The following CDH18 variants were observed in gnomAD, a reference collection of about 807,000 sequenced individuals.
CDH18 encodes the protein cadherin-18.
CDH18 carries 31 observed loss-of-function variants against 67.9 expected under a neutral mutation model. The observed-to-expected ratio is 0.46, with a 90% CI of 0.34 to 0.62. The LOEUF is 0.62. CDH18 is among the 20% of genes least tolerant of loss of function. The pLI is 0.01. For missense variants in CDH18, 890 were observed against 975.5 expected, an observed-to-expected ratio of 0.91 and a Z score of 1.17; for synonymous variants, 362 against 347.2, an observed-to-expected ratio of 1.04 and a Z score of -0.48.
At chr5:19,724,502 CA>C (rs1385868530) in intron 4 of CDH18, among the ~76,000 whole-genome samples, 1 of 114,396 alleles carries the variant, frequency 8.7e-6, no homozygotes, top group African/African-American at 2.7e-5. Flanking sequence ...CACACTCGTA[CA>C]CACAGACATA....
intron 2 of CDH18, among the ~76,000 whole-genome samples, chr5:20,253,030 G>A (rs1165839775): frequency 6.6e-6 from 1 of 152,120 alleles, no homozygotes; most frequent in Non-Finnish European, 1.5e-5. Context: ...TTTTAGGGCT[G>A]GGAGGATAAG....
chr5:19,792,510 G>A (rs983991088), intron 3 of CDH18, among the ~76,000 whole-genome samples: 5 of 152,100 alleles, frequency 3.3e-5, no homozygotes, highest in African/African-American at 4.8e-5. Context: ...CTCAGTCTCC[G>A]TAATCATGTG....
intron 7 of CDH18, among the ~76,000 whole-genome samples, chr5:19,584,927 C>G (rs769721957): frequency 1.3e-5 from 2 of 150,824 alleles, no homozygotes; most frequent in Non-Finnish European, 3.0e-5. Context: ...CACTAGGGAC[C>G]GAGGCGGCAG....
chr5:20,328,508 TGAGA>T (rs1186669088), intron 1 of CDH18, among the ~76,000 whole-genome samples: 3 of 112,012 alleles, frequency 2.7e-5, no homozygotes, highest in African/African-American at 5.7e-5. Flanking sequence ...TGTGTGTGTG[TGAGA>T]GAGAGAGAGA....
chr5:19,729,381 T>C (rs769123570), intron 4 of CDH18, among the ~76,000 whole-genome samples: 2 of 152,180 alleles, frequency 1.3e-5, no homozygotes, highest in Non-Finnish European at 2.9e-5. Context: ...TAGTTGACAA[T>C]TGGAGACGGC....
chr5:20,200,534 G>T (rs375324084), intron 2 of CDH18, among the ~76,000 whole-genome samples: 1 of 151,998 alleles, frequency 6.6e-6, no homozygotes, highest in Non-Finnish European at 1.5e-5. Context: ...AAATTAGCTG[G>T]GCTTGGTGGT....
chr5:20,376,107 T>TTTTTTTTTTTTTTTTTTTTTTTG (rs1318320616), intron 1 of CDH18, among the ~76,000 whole-genome samples: 3 of 112,942 alleles, frequency 2.7e-5, no homozygotes, highest in African/African-American at 9.2e-5. Flanking sequence ...TTTTTTTTTT[T>TTTTTTTTTTTTTTTTTTTTTTTG]TTTTGAGACG....
intron 1 of CDH18, among the ~76,000 whole-genome samples, chr5:20,531,144 A>G (rs978560731): frequency 6.6e-6 from 1 of 152,232 alleles, no homozygotes. Flanking sequence ...AAAATAGCTC[A>G]ACACCACTGA....
At chr5:20,234,116 C>T (rs554027947) in intron 2 of CDH18, among the ~76,000 whole-genome samples, 14 of 152,208 alleles carry the variant, frequency 9.2e-5, no homozygotes, top group African/African-American at 3.4e-4. Context: ...AGTCCTACAC[C>T]AGCCAATTCC....
intron 1 of CDH18, among the ~76,000 whole-genome samples, chr5:20,278,344 A>C: frequency 6.6e-6 from 1 of 152,150 alleles, no homozygotes; most frequent in East Asian, 1.9e-4. Flanking sequence ...ACAGGGCAGA[A>C]GAGAATGGCA....
chr5:20,493,132 TGA>T (rs1753686163), intron 1 of CDH18, among the ~76,000 whole-genome samples: 1 of 151,988 alleles, frequency 6.6e-6, no homozygotes, highest in Admixed American at 6.6e-5. Flanking sequence ...ACAGATCACC[TGA>T]GGTTAGGAGT....
chr5:20,475,641 T>C (rs1427596753), intron 1 of CDH18, among the ~76,000 whole-genome samples: 3 of 136,984 alleles, frequency 2.2e-5, no homozygotes, highest in Non-Finnish European at 2.9e-5. Flanking sequence ...TTGAACAGTC[T>C]AGGTAAATAA....
intron 1 of CDH18, among the ~76,000 whole-genome samples, chr5:20,366,973 T>C (rs963253583): frequency 4.6e-5 from 7 of 152,118 alleles, no homozygotes; most frequent in African/African-American, 1.7e-4. Context: ...GTATGCCCAC[T>C]GGCTTCTCTT....
intron 1 of CDH18, among the ~76,000 whole-genome samples, chr5:20,269,941 G>A (rs907096292): frequency 3.9e-5 from 6 of 152,062 alleles, no homozygotes; most frequent in Middle Eastern, 3.4e-3. Flanking sequence ...ACCAGGATAA[G>A]TCAACATGCA....
intron 2 of CDH18, among the ~76,000 whole-genome samples, chr5:19,977,918 T>C (rs1471082689): frequency 1.3e-5 from 2 of 152,148 alleles, no homozygotes; most frequent in South Asian, 2.1e-4. Context: ...TTGTTAATTA[T>C]ATGAGGTTAC....
At position 20,281,059 on chromosome 5, in the gene CDH18, T is replaced by A. The variant is rs549532263; in HGVS notation, c.-579-25554A>T. 3.9e-5 allele frequency among the ~76,000 whole-genome samples: 6 copies of A among 152,302 alleles called. No individual in the cohort carries two copies. The East Asian group carries it at 9.7e-4, about 25-fold the overall frequency. On this transcript the variant is annotated intron_variant, in intron 1 of 14. Transcript: ENST00000507958. ...TCCCACTTTTTGATGGGGTTGTTTG[T>A]TTTTTTCTTGTAAATCTGTTTGAGT... is the stretch of plus-strand genomic sequence containing the variant.
At chr5:19,751,982 C>T (rs1770910252) in intron 3 of CDH18, among the ~76,000 whole-genome samples, 4 of 152,010 alleles carry the variant, frequency 2.6e-5, no homozygotes, top group Admixed American at 2.6e-4. Context: ...TCCTGCAGGG[C>T]CCCCAAGATG....
At position 19,473,048 on chromosome 5, in the gene CDH18, AC is replaced by A; in HGVS notation, c.*177del. 1 of 412,650 alleles carries A rather than the reference AC, an allele frequency of 2.4e-6. No homozygotes were observed. The highest frequency in any genetic ancestry group is 4.0e-6 in the Non-Finnish European group (1 of 251,620). The allele number at this position is 412,650 out of a possible 1,614,324, so 25.6% of individuals were successfully genotyped here. On this transcript the variant is annotated 3_prime_UTR_variant, in exon 13 of 13. Transcript: ENST00000382275. ...GTATTGTCTTTTTTTTTTTTTTTTT[AC>A]TTTCTTCCAATTAAATAACCCAGTT...
At chr5:20,075,400 G>A (rs1743840450) in intron 2 of CDH18, among the ~76,000 whole-genome samples, 2 of 152,116 alleles carry the variant, frequency 1.3e-5, no homozygotes, top group Non-Finnish European at 2.9e-5. Context: ...CTACTTGGGA[G>A]GCTGAGACAG....
Sources: gnomAD v4.1 joint callset for allele counts (sites outside exome capture counted in the v4.1 genomes callset) on GRCh38, gnomAD v4.1.1 for gene constraint, MANE v1.5 for transcripts, NCBI Gene and HGNC (gene_info 2026-07-23, HGNC 2026-07-21) for gene names.